Variants in ECHDC1 observed in about 807,000 individuals in gnomAD.
ECHDC1 encodes the protein ethylmalonyl-CoA decarboxylase.
A neutral mutation model predicts 29.7 loss-of-function variants in ECHDC1; 29 were observed. The observed-to-expected ratio is 0.98, with a 90% CI of 0.73 to 1.33. ECHDC1 has a LOEUF of 1.33. ECHDC1 is among the 40% of genes most tolerant of loss of function. The probability of loss-of-function intolerance (pLI) is 0.00; values close to 1 mark genes in which losing one functional copy is unlikely to be tolerated. For missense variants in ECHDC1, 328 were observed against 350.0 expected, an observed-to-expected ratio of 0.94 and a Z score of 0.50; for synonymous variants, 126 against 123.1, an observed-to-expected ratio of 1.02 and a Z score of -0.15.
At chr6:127,316,395 A>T in intron 4 of ECHDC1, 55 bp downstream of exon 4, 1 of 1,436,600 alleles carries the variant, frequency 7.0e-7, no homozygotes, top group South Asian at 1.2e-5. Context: ...ATGGAATAGC[A>T]AAAAGCTATT....
intron 5 of ECHDC1, chr6:127,294,475 G>A (rs1487809931): frequency 6.6e-6 from 1 of 152,130 alleles, no homozygotes; most frequent in Non-Finnish European, 1.5e-5. Context: ...AAAAGAGAAA[G>A]AACCCAAAAA....
In ECHDC1 at chr6:127,330,922, T is replaced by C. The variant is rs1226915961; in HGVS notation, c.107A>G (p.Glu36Gly). The change falls in exon 2 of 6, where the codon GAA becomes GGA. Residue 36 changes from glutamate to glycine, a missense_variant. Coordinates refer to ENST00000454859, the MANE Select transcript of ECHDC1 (RefSeq NM_001002030.2). ...AAACTGCTGAAGTGTTTTTTTCACT[T>C]CTTCCTCATAAAATCCATGGGATGT... is the stretch of plus-strand genomic sequence containing the variant. ...YSTSHGFYEE[E>G]VKKTLQQFPG... 6.2e-7 allele frequency: 1 copy of C among 1,614,058 alleles called. No individual in the cohort carries two copies. The highest frequency in any genetic ancestry group is 8.5e-7 in the Non-Finnish European group (1 of 1,180,022).
At chr6:127,302,365 T>A (rs1445373236) in intron 5 of ECHDC1, among the ~76,000 whole-genome samples, 1 of 152,104 alleles carries the variant, frequency 6.6e-6, no homozygotes, top group Non-Finnish European at 1.5e-5. Context: ...GATTTTTCAG[T>A]GTAATAATGC....
chr6:127,306,601 T>C (rs1781460243), intron 5 of ECHDC1, among the ~76,000 whole-genome samples: 1 of 152,286 alleles, frequency 6.6e-6, no homozygotes, highest in East Asian at 1.9e-4. Flanking sequence ...TGCTTCCCCT[T>C]CATCTTCTGC....
In ECHDC1 at chr6:127,328,063, TG is replaced by T. The variant is rs3839437; in HGVS notation, c.221-920del. On this transcript the variant is annotated intron_variant, in intron 2 of 5. Transcript: ENST00000454859. ...TCCAAAAGATGGCCCCATTAAATTA[TG>T]TACACTTCTTTGGAATATAAATCCC... Among the ~76,000 whole-genome samples, 94 of 152,368 alleles carry T rather than the reference TG, an allele frequency of 6.2e-4. No homozygotes were observed. The East Asian group carries it at 0.016, about 27-fold the overall frequency.
At chr6:127,304,990 T>C (rs1386858446) in intron 5 of ECHDC1, among the ~76,000 whole-genome samples, 1 of 152,192 alleles carries the variant, frequency 6.6e-6, no homozygotes, top group African/African-American at 2.4e-5. Context: ...GGTTAGAAAG[T>C]TTATTCAAAG....
intron 2 of ECHDC1, among the ~76,000 whole-genome samples, chr6:127,328,606 G>A (rs1237610093): frequency 1.3e-5 from 2 of 152,206 alleles, no homozygotes; most frequent in South Asian, 2.1e-4. Flanking sequence ...AGATCCTTTA[G>A]AAATATCGTT....
Position 127,289,033 on chromosome 6 carries a change from ATT to A in ECHDC1, c.*834_*835del, listed in dbSNP as rs1322626697. On this transcript the variant is annotated 3_prime_UTR_variant, in exon 6 of 6. Coordinates refer to ENST00000454859, the MANE Select transcript of ECHDC1 (RefSeq NM_001002030.2). Reference sequence around the variant, plus strand: ...GGATCATAAACATTTTATGTTGTGCATTTTTATTACATTTACTTTTGAAAGAT... The same window carrying A: ...GGATCATAAACATTTTATGTTGTGCATTTATTACATTTACTTTTGAAAGAT... 2.0e-5 allele frequency: 3 copies of A among 152,042 alleles called. No individual in the cohort carries two copies. The highest frequency in any genetic ancestry group is 7.2e-5 in the African/African-American group (3 of 41,418). The allele number at this position is 152,042 out of a possible 1,614,324, so 9.4% of individuals were successfully genotyped here.
intron 3 of ECHDC1, among the ~76,000 whole-genome samples, chr6:127,319,799 C>T (rs916427025): frequency 3.3e-5 from 5 of 152,190 alleles, no homozygotes; most frequent in African/African-American, 1.2e-4. Flanking sequence ...AACCCTACTC[C>T]TCTAGCTCCT....
intron 5 of ECHDC1, among the ~76,000 whole-genome samples, chr6:127,308,742 T>C (rs1333438835): frequency 6.6e-6 from 1 of 152,084 alleles, no homozygotes; most frequent in Non-Finnish European, 1.5e-5. Flanking sequence ...ATACAATCTA[T>C]GTCTGGAAAA....
chr6:127,294,378 G>C (rs751362434), intron 5 of ECHDC1: 1 of 152,088 alleles, frequency 6.6e-6, no homozygotes, highest in African/African-American at 2.4e-5. Flanking sequence ...ATTATGCCTC[G>C]AACATAAACT....
intron 5 of ECHDC1, among the ~76,000 whole-genome samples, chr6:127,312,845 A>G (rs551394556): frequency 9.1e-4 from 138 of 152,354 alleles, no homozygotes; most frequent in African/African-American, 3.2e-3. Flanking sequence ...ATTAAAAAGG[A>G]ACAAAGTATT....
rs1779888775 is a variant in ECHDC1 at position 127,289,120 on chromosome 6, A to G, written c.*749T>C. The G allele has an allele frequency of 6.6e-6, 1 of 152,028 alleles. No individual in the cohort carries two copies. Among genetic ancestry groups the G allele is most frequent in the Admixed American group, 6.6e-5 (1 of 15,252 alleles). 9.4% of individuals were successfully genotyped at this position (152,028 alleles called of 1,614,324 possible). A position where few individuals can be genotyped will look rare whatever the true frequency, so the allele number is the denominator to read the frequency against. The stretch of plus-strand genomic sequence containing the variant: ...AAAGAAATCTGATGTAAAAATGCAA[A>G]TTTATGTTGCAGGATGCTTCATGAG... On this transcript the variant is annotated 3_prime_UTR_variant, in exon 6 of 6. Coordinates refer to ENST00000454859, the MANE Select transcript of ECHDC1 (RefSeq NM_001002030.2).
At chr6:127,300,549 A>G (rs577539344) in intron 5 of ECHDC1, among the ~76,000 whole-genome samples, 1 of 152,346 alleles carries the variant, frequency 6.6e-6, no homozygotes, top group South Asian at 2.1e-4. Context: ...GATTCAAAGT[A>G]TGAGAGGAAC....
chr6:127,290,332 T>C, intron 5 of ECHDC1, 55 bp from the exon 6 acceptor site: 1 of 1,528,724 alleles, frequency 6.5e-7, no homozygotes, highest in Non-Finnish European at 8.8e-7. Context: ...GCTCTAATCA[T>C]AAAGTACTAT....
intron 1 of ECHDC1, among the ~76,000 whole-genome samples, chr6:127,341,928 G>A (rs1215599199): frequency 6.6e-6 from 1 of 152,218 alleles, no homozygotes; most frequent in African/African-American, 2.4e-5. Context: ...TCGGTTGTAG[G>A]CTGTCATAAC....
chr6:127,343,313 G>A (rs1785129280), intron 1 of ECHDC1, 23 bp downstream of exon 1: 2 of 152,390 alleles, frequency 1.3e-5, no homozygotes, highest in Non-Finnish European at 2.9e-5. Flanking sequence ...GAAGCGCTAA[G>A]ACCAACCCTT....
chr6:127,327,251 A>G, intron 2 of ECHDC1, 107 bp from the exon 3 acceptor site: 1 of 1,246,192 alleles, frequency 8.0e-7, no homozygotes, highest in Non-Finnish European at 1.1e-6. Context: ...CCTATATTTT[A>G]TAAATATTTA....
At chr6:127,292,184 C>G (rs1334601839) in intron 5 of ECHDC1, among the ~76,000 whole-genome samples, 1 of 151,864 alleles carries the variant, frequency 6.6e-6, no homozygotes, top group African/African-American at 2.4e-5. Context: ...AGGACTATGC[C>G]AGGAATAGAT....
Sources: allele counts gnomAD v4.1 joint callset (sites outside exome capture counted in the v4.1 genomes callset), GRCh38; gene constraint gnomAD v4.1.1; transcripts MANE v1.5; gene names NCBI Gene and HGNC (gene_info 2026-07-23, HGNC 2026-07-21).